TRERF1: variants seen among roughly 807,000 people sequenced by gnomAD.
TRERF1 encodes transcriptional regulating factor 1, also known as transcriptional-regulating factor 1.
Under a neutral mutation model 122.9 loss-of-function variants are expected in TRERF1, and 27 were observed. The ratio of observed to expected loss-of-function variants is 0.22; its 90% CI spans 0.16 to 0.30. TRERF1 has a LOEUF of 0.30. Among genes scored for constraint, TRERF1 ranks in the 10% least tolerant of loss-of-function variants. TRERF1 has a pLI of 1.00. For synonymous variants in TRERF1, 636 were observed against 641.7 expected, an observed-to-expected ratio of 0.99 and a Z score of 0.13; for missense variants, 1,248 against 1,560.3, an observed-to-expected ratio of 0.80 and a Z score of 3.37.
chr6:42,408,280 TACA>T (rs1780558018), intron 2 of TRERF1, among the ~76,000 whole-genome samples: 1 of 139,588 alleles, frequency 7.2e-6, no homozygotes, highest in African/African-American at 2.7e-5. Context: ...TATATATACA[TACA>T]CATGTGTGTG....
intron 2 of TRERF1, among the ~76,000 whole-genome samples, chr6:42,407,351 G>A (rs1313245988): frequency 1.3e-5 from 2 of 152,164 alleles, no homozygotes; most frequent in Non-Finnish European, 2.9e-5. Context: ...CCTGTTTGGG[G>A]CTGTGTTTGT....
At chr6:42,420,275 TA>T (rs1410116312) in intron 2 of TRERF1, among the ~76,000 whole-genome samples, 1 of 152,182 alleles carries the variant, frequency 6.6e-6, no homozygotes, top group South Asian at 2.1e-4. Context: ...ACTTTGTAGC[TA>T]AAACAGAAAA....
chr6:42,358,626 T>C (rs776194245), intron 3 of TRERF1, among the ~76,000 whole-genome samples: 2 of 152,218 alleles, frequency 1.3e-5, no homozygotes, highest in African/African-American at 2.4e-5. Flanking sequence ...GTTTTCTATT[T>C]AAAGATTTTT....
At chr6:42,374,447 C>T (rs1201421939) in intron 2 of TRERF1, among the ~76,000 whole-genome samples, 1 of 152,190 alleles carries the variant, frequency 6.6e-6, no homozygotes, top group African/African-American at 2.4e-5. Flanking sequence ...TCCTTCTGGC[C>T]GAGGGGAGGT....
intron 3 of TRERF1, among the ~76,000 whole-genome samples, chr6:42,302,960 A>G (rs1458924883): frequency 6.6e-6 from 1 of 152,216 alleles, no homozygotes; most frequent in East Asian, 1.9e-4. Context: ...CATCTATTGT[A>G]AGTCAGGCAT....
At position 42,269,551 on chromosome 6, in the gene TRERF1, G is replaced by A; in HGVS notation, c.40C>T (p.His14Tyr). 6.2e-7 allele frequency: 1 copy of A among 1,614,214 alleles called. No individual in the cohort carries two copies. Among genetic ancestry groups the A allele is most frequent in the Non-Finnish European group, 8.5e-7 (1 of 1,180,032 alleles). Reference sequence around the variant, plus strand: ...TGGTAGAAAAGGTTCTCACTACCATGGGCCACATGGTTGGTCTTGTACAGT... The same window carrying A: ...TGGTAGAAAAGGTTCTCACTACCATAGGCCACATGGTTGGTCTTGTACAGT... The change falls in exon 5 of 18, where the codon CAT becomes TAT. Residue 14 changes from histidine to tyrosine, a missense_variant. By Grantham distance (83) the His-to-Tyr change is moderately conservative (BLOSUM62 2). Transcript: ENST00000372922. The surrounding 1 kb of genome is among the most constrained non-coding windows in gnomAD (Gnocchi z 4.9).
chr6:42,427,554 C>CTTT (rs11313717), intron 2 of TRERF1, among the ~76,000 whole-genome samples: 1 of 142,978 alleles, frequency 7.0e-6, no homozygotes, highest in Non-Finnish European at 1.5e-5. Context: ...CCCTGCCTTA[C>CTTT]TTTTTTTTTT....
chr6:42,429,060 G>T (rs116022963), intron 2 of TRERF1, among the ~76,000 whole-genome samples: 83 of 152,268 alleles, frequency 5.5e-4, no homozygotes, highest in African/African-American at 2.0e-3. Flanking sequence ...CCCAGCAGGC[G>T]CTGGGTGAAT....
intron 15 of TRERF1, among the ~76,000 whole-genome samples, chr6:42,240,469 C>G (rs1180432272): frequency 6.6e-6 from 1 of 152,204 alleles, no homozygotes; most frequent in Non-Finnish European, 1.5e-5. Context: ...ACCAGCAAGC[C>G]TAGGAGCAAA....
intron 17 of TRERF1, among the ~76,000 whole-genome samples, chr6:42,230,810 T>G (rs1172304866): frequency 6.6e-6 from 1 of 152,054 alleles, no homozygotes; most frequent in Non-Finnish European, 1.5e-5. Context: ...CCAGTTCACT[T>G]TGGTGGGTGC....
At chr6:42,281,362 T>C (rs1399634842) in intron 4 of TRERF1, among the ~76,000 whole-genome samples, 1 of 152,068 alleles carries the variant, frequency 6.6e-6, no homozygotes, top group Non-Finnish European at 1.5e-5. Context: ...TTGGAAACAT[T>C]ACCCCACCAA....
chr6:42,348,559 GCTC>G (rs1768791008), intron 3 of TRERF1, among the ~76,000 whole-genome samples: 1 of 152,014 alleles, frequency 6.6e-6, no homozygotes, highest in Non-Finnish European at 1.5e-5. Context: ...GGCCTCCCTG[GCTC>G]CTCTTTACAG....
intron 2 of TRERF1, among the ~76,000 whole-genome samples, chr6:42,387,379 T>G (rs1311819439): frequency 1.3e-5 from 2 of 152,164 alleles, no homozygotes; most frequent in Non-Finnish European, 2.9e-5. Context: ...AGACTTAGCT[T>G]TCTTTCCTTC....
intron 3 of TRERF1, among the ~76,000 whole-genome samples, chr6:42,356,721 C>T (rs1328501321): frequency 6.6e-6 from 1 of 151,942 alleles, no homozygotes; most frequent in Non-Finnish European, 1.5e-5. Context: ...ATTACAGGTG[C>T]CTGCCACCAC....
chr6:42,249,653 A>T (rs1272368177), intron 13 of TRERF1, among the ~76,000 whole-genome samples: 7 of 152,162 alleles, frequency 4.6e-5, no homozygotes. Context: ...AGTGGGCTGC[A>T]TGTTCTCCCT....
intron 4 of TRERF1, among the ~76,000 whole-genome samples, chr6:42,280,358 G>T (rs13192297): frequency 0.027 from 4,152 of 152,254 alleles, 57 homozygotes; most frequent in Non-Finnish European, 0.037. Context: ...CCTCCTTCTA[G>T]AAGCCCTGGG....
chr6:42,415,343 T>C (rs6920018), intron 2 of TRERF1, among the ~76,000 whole-genome samples: 2,065 of 152,330 alleles, frequency 0.014, 39 homozygotes, highest in African/African-American at 0.046. Context: ...CATGTATCTT[T>C]TGACTTTGTT....
chr6:42,371,920 C>T (rs1362440518), intron 2 of TRERF1, among the ~76,000 whole-genome samples: 2 of 152,242 alleles, frequency 1.3e-5, no homozygotes, highest in East Asian at 3.9e-4. Flanking sequence ...AGTGGCTCAT[C>T]CCTGTAATCT....
chr6:42,412,957 G>A (rs1781328371), intron 2 of TRERF1, among the ~76,000 whole-genome samples: 1 of 152,056 alleles, frequency 6.6e-6, no homozygotes, highest in Non-Finnish European at 1.5e-5. Flanking sequence ...GGGGCCCTGT[G>A]TCAAAAATAA....
Sources: gnomAD v4.1 joint callset for allele counts (sites outside exome capture counted in the v4.1 genomes callset) on GRCh38, gnomAD v4.1.1 for gene constraint, Gnocchi (gnomAD v3.1) non-coding constraint, MANE v1.5 for transcripts, NCBI Gene and HGNC (gene_info 2026-07-23, HGNC 2026-07-21) for gene names.